RPS3: variants seen among roughly 807,000 people sequenced by gnomAD.
RPS3 encodes small ribosomal subunit protein uS3.
A neutral mutation model predicts 25.8 loss-of-function variants in RPS3; 2 were observed. That is an observed-to-expected ratio of 0.08 (90% confidence interval 0.03 to 0.24). The LOEUF (loss-of-function observed/expected upper bound fraction) is 0.24, where lower values mean the gene tolerates loss of function less well. Among genes scored for constraint, RPS3 ranks in the 10% least tolerant of loss-of-function variants. RPS3 has a pLI of 1.00. For synonymous variants in RPS3, 114 were observed against 114.2 expected, an observed-to-expected ratio of 1.00 and a Z score of 0.01; for missense variants, 107 against 307.1, an observed-to-expected ratio of 0.35 and a Z score of 4.87.
intron 6 of RPS3, among the ~76,000 whole-genome samples, chr11:75,417,720 G>A (rs1948411136): frequency 6.6e-6 from 1 of 152,236 alleles, no homozygotes; most frequent in African/African-American, 2.4e-5. Context: ...CTGGTCTCCT[G>A]GCCCCTCCTG....
rs773735949 is a variant in RPS3 at position 75,399,546 on chromosome 11, A to G, written c.-2A>G. On this transcript the variant is annotated 5_prime_UTR_variant, in exon 1 of 7. Coordinates refer to ENST00000531188, the MANE Select transcript of RPS3 (RefSeq NM_001005.5). ...TTCCTTTCAGCGGAGCGCGGCGGCA[A>G]GATGGCAGTGCAAATATCCAAGAAG... The G allele has an allele frequency of 8.1e-6, 13 of 1,613,860 alleles. No individual in the cohort carries two copies. The highest frequency in any genetic ancestry group is 4.5e-5 in the East Asian group (2 of 44,844).
chr11:75,401,897 T>G, intron 3 of RPS3, 164 bp downstream of exon 3: 1 of 600,220 alleles, frequency 1.7e-6, no homozygotes, highest in Non-Finnish European at 3.0e-6. Context: ...CCTATTCTGC[T>G]AATGGCTGAT....
downstream of RPS3, among the ~76,000 whole-genome samples, chr11:75,409,981 G>T (rs1948330842): frequency 6.9e-6 from 1 of 144,642 alleles, no homozygotes; most frequent in South Asian, 2.2e-4. Context: ...CGGCTGGCCG[G>T]GCAGAGGGGC....
At chr11:75,401,787 A>AAAAACTCTCAACTTGGAGACTTTAATTGT in intron 3 of RPS3, 54 bp downstream of exon 3, 1 of 983,784 alleles carries the variant, frequency 1.0e-6, no homozygotes, top group East Asian at 2.4e-5. Flanking sequence ...TGATACTTCT[A>AAAAACTCTCAACTTGGAGACTTTAATTGT]AAAACTCTCA....
At chr11:75,408,840 C>G (rs573126589), downstream of RPS3, among the ~76,000 whole-genome samples, 4 of 152,334 alleles carry the variant, frequency 2.6e-5, no homozygotes, top group South Asian at 8.3e-4. Flanking sequence ...CCAGCCTACT[C>G]TTCTACATCT....
At chr11:75,409,324 A>C (rs1374477913), downstream of RPS3, among the ~76,000 whole-genome samples, 2 of 136,688 alleles carry the variant, frequency 1.5e-5, no homozygotes, top group Non-Finnish European at 3.1e-5. Flanking sequence ...TAGGCAGAGG[A>C]CCCTGCGGCC....
rs1386264584 is a variant in RPS3 at position 75,405,536 on chromosome 11, AGT to A, written c.*4-73_*4-72del. 8 of 448,276 alleles carry A rather than the reference AGT, an allele frequency of 1.8e-5. No homozygotes were observed. The East Asian group carries it at 3.5e-4, about 20-fold the overall frequency. 27.8% of individuals were successfully genotyped at this position (448,276 alleles called of 1,614,324 possible). On this transcript the variant is annotated intron_variant, in intron 6 of 6. Coordinates refer to ENST00000531188, the MANE Select transcript of RPS3 (RefSeq NM_001005.5). ...AATGTTGCTGCAAACCCTAAGTGGG[AGT>A]GTGTATCCATTTGGTAAATCAGGAA... is the stretch of plus-strand genomic sequence containing the variant.
downstream of RPS3, among the ~76,000 whole-genome samples, chr11:75,408,076 A>G (rs1050213714): frequency 2.6e-5 from 4 of 152,268 alleles, no homozygotes; most frequent in Admixed American, 6.5e-5. Flanking sequence ...TGGTGCTGTG[A>G]CAAAGGCAAT....
At chr11:75,402,705 T>C (rs1948229682) in intron 4 of RPS3, 1 of 265,750 alleles carries the variant, frequency 3.8e-6, no homozygotes, top group African/African-American at 2.2e-5. Context: ...CAAATAGAAC[T>C]GTCCAAGGAG....
chr11:75,402,255 G>A (rs1236572711), intron 3 of RPS3, 97 bp from the exon 4 acceptor site: 1 of 1,576,484 alleles, frequency 6.3e-7, no homozygotes, highest in Non-Finnish European at 8.7e-7. Flanking sequence ...GGCAAGCTTG[G>A]TGTAGAAAGT....
chr11:75,409,372 G>T (rs1948320766), downstream of RPS3, among the ~76,000 whole-genome samples: 1 of 136,578 alleles, frequency 7.3e-6, no homozygotes, highest in Non-Finnish European at 1.6e-5. Context: ...TTGAGATTAG[G>T]GAGTGGTGAT....
downstream of RPS3, among the ~76,000 whole-genome samples, chr11:75,411,114 G>C (rs1003824912): frequency 1.1e-4 from 17 of 151,984 alleles, no homozygotes; most frequent in Non-Finnish European, 1.0e-4. Context: ...TTGACCTCGT[G>C]ATCTGCCCAC....
chr11:75,408,470 C>G (rs1284269174), downstream of RPS3, among the ~76,000 whole-genome samples: 1 of 146,820 alleles, frequency 6.8e-6, no homozygotes. Context: ...CAGACCCTGT[C>G]TCAAAAAAAT....
chr11:75,406,360 A>G lies in RPS3; in HGVS notation c.*750A>G, dbSNP rs1363949284. ...TGAGGGACAGGTTGGCTTGAAAATC[A>G]TGAGACTGTTGTTAAATCAGATGCT... On this transcript the variant is annotated 3_prime_UTR_variant, in exon 7 of 7. Coordinates refer to ENST00000531188, the MANE Select transcript of RPS3 (RefSeq NM_001005.5). 6.6e-6 allele frequency: 1 copy of G among 152,252 alleles called. No individual in the cohort carries two copies. The highest frequency in any genetic ancestry group is 1.5e-5 in the Non-Finnish European group (1 of 68,046). 9.4% of individuals were successfully genotyped at this position (152,252 alleles called of 1,614,324 possible). A position where few individuals can be genotyped will look rare whatever the true frequency, so the allele number is the denominator to read the frequency against.
chr11:75,409,972 G>A (rs1287434236), downstream of RPS3, among the ~76,000 whole-genome samples: 42 of 138,244 alleles, frequency 3.0e-4, no homozygotes, highest in African/African-American at 9.7e-4. Flanking sequence ...CGGACGGGGC[G>A]GCTGGCCGGG....
chr11:75,418,200 A>G (rs1372161602), intron 6 of RPS3, among the ~76,000 whole-genome samples: 1 of 152,198 alleles, frequency 6.6e-6, no homozygotes, highest in Non-Finnish European at 1.5e-5. Flanking sequence ...CCCTGGCCCC[A>G]GATTCTCTGG....
rs17884476 is a variant in RPS3, at chr11:75,402,736, T to G, written c.350+290T>G. ...AGGAGGGGACCAACTCCTGTTGGTC[T>G]TCTTGAGAAGGCTTTACAAAGAGCC... On this transcript the variant is annotated intron_variant, in intron 4 of 6. Coordinates refer to ENST00000531188, the MANE Select transcript of RPS3 (RefSeq NM_001005.5). 1,733 of 209,138 alleles carry G rather than the reference T, an allele frequency of 8.3e-3. 14 individuals are homozygous for G. The highest frequency in any genetic ancestry group is 0.021 in the Middle Eastern group (12 of 570). 13.0% of individuals were successfully genotyped at this position (209,138 alleles called of 1,614,324 possible). A position where few individuals can be genotyped will look rare whatever the true frequency, so the allele number is the denominator to read the frequency against.
At chr11:75,411,197 A>C (rs1376458216), downstream of RPS3, among the ~76,000 whole-genome samples, 4 of 152,006 alleles carry the variant, frequency 2.6e-5, no homozygotes, top group Admixed American at 2.6e-4. Flanking sequence ...TTTTTAGTAG[A>C]GATGGGGTTT....
exon 7 of RPS3, chr11:75,421,848 A>C (rs1357981502): frequency 1.3e-5 from 2 of 152,258 alleles, no homozygotes; most frequent in East Asian, 3.8e-4. Context: ...GTGTTTGGGA[A>C]CAGACGCGAG....
Sources: allele counts gnomAD v4.1 joint callset (sites outside exome capture counted in the v4.1 genomes callset), GRCh38; gene constraint gnomAD v4.1.1; transcripts MANE v1.5; gene names NCBI Gene and HGNC (gene_info 2026-07-23, HGNC 2026-07-21).